The following OVCH1 variants were observed in gnomAD, a reference collection of about 807,000 sequenced individuals.
The protein encoded by OVCH1 is ovochymase-1.
Under a neutral mutation model 138.4 loss-of-function variants are expected in OVCH1, and 139 were observed. The observed-to-expected ratio is 1.00, with a 90% CI of 0.87 to 1.16. The LOEUF is 1.16. Ranked by LOEUF, OVCH1 falls within the 50% of genes most tolerant of loss-of-function variation. OVCH1 has a pLI of 0.00. For synonymous variants in OVCH1, 453 were observed against 467.8 expected, an observed-to-expected ratio of 0.97 and a Z score of 0.41; for missense variants, 1,367 against 1,357.9, an observed-to-expected ratio of 1.01 and a Z score of -0.11.
Position 29,414,007 on chromosome 12 carries a change from C to CCT in OVCH1, c.*72-1284_*72-1283dup, listed in dbSNP as rs200379417. 2.7e-4 allele frequency among the ~76,000 whole-genome samples: 28 copies of CCT among 104,318 alleles called. No homozygotes were observed. The South Asian group carries it at 8.6e-3, about 32-fold the overall frequency. 68.4% of individuals were successfully genotyped at this position (104,318 alleles called of 152,430 possible). On this transcript the variant is annotated intron_variant and NMD_transcript_variant, in intron 3 of 4. Transcript: ENST00000539117. The stretch of plus-strand genomic sequence containing the variant: ...TTTTTAACCAGCAGCTGGCTTTTCT[C>CCT]CTCTCTCTCTCTCTTTTTTTTTTTT...
At chr12:29,486,110 A>C (rs1943097670) in intron 8 of OVCH1, 140 bp downstream of exon 8, 1 of 788,416 alleles carries the variant, frequency 1.3e-6, no homozygotes, top group African/African-American at 1.8e-5. Flanking sequence ...CCTATGTATG[A>C]ATATGAGCAG....
intron 7 of OVCH1, 150 bp from the exon 8 acceptor site, chr12:29,486,498 CTA>C: frequency 1.6e-6 from 1 of 637,662 alleles, no homozygotes; most frequent in Non-Finnish European, 2.6e-6. Context: ...CAGTAACCCA[CTA>C]TGTCTTTTAA....
rs1156746058 is a variant in OVCH1 at position 29,489,715 on chromosome 12, C to T, written c.607G>A (p.Ala203Thr). The T allele has an allele frequency of 2.5e-6, 4 of 1,610,580 alleles. No individual in the cohort carries two copies. In the South Asian group the frequency reaches 3.3e-5, roughly 13 times the overall value. The change falls in exon 6 of 28, where the codon GCG (alanine) becomes ACG (threonine). Residue 203 changes from alanine to threonine, a missense_variant. Transcript: ENST00000318184. ...ATGCTCTTGAGCACAGTATTACACG[C>T]TCTGTCATCCATGATGGGAAGTTCC...
intron 11 of OVCH1, 38 bp downstream of exon 11, chr12:29,477,303 G>A (rs1415177529): frequency 1.2e-6 from 2 of 1,613,488 alleles, no homozygotes; most frequent in East Asian, 4.5e-5. Context: ...CCCACATCAA[G>A]GGAAAATGGC....
intron 26 of OVCH1, chr12:29,439,238 T>G (rs1941422658): frequency 8.2e-7 from 1 of 1,222,128 alleles, no homozygotes; most frequent in Non-Finnish European, 1.0e-6. Context: ...AAAGTCCTTT[T>G]CCTTTATTTT....
At chr12:29,495,505 A>C in intron 3 of OVCH1, 48 bp from the exon 4 acceptor site, 1 of 1,528,806 alleles carries the variant, frequency 6.5e-7, no homozygotes. Flanking sequence ...CCCCTACGCA[A>C]GTCTTCTTGG....
At chr12:29,472,967 G>A in intron 15 of OVCH1, 62 bp downstream of exon 15, 1 of 1,407,746 alleles carries the variant, frequency 7.1e-7, no homozygotes, top group East Asian at 2.4e-5. Flanking sequence ...GCTTCCAAAA[G>A]AGACATCTAG....
At chr12:29,404,368 G>T in the OVCH1 span, among the ~76,000 whole-genome samples, 1 of 152,172 alleles carries the variant, frequency 6.6e-6, no homozygotes, top group Non-Finnish European at 1.5e-5. Flanking sequence ...TCTCCCAAAT[G>T]CCTGATTCCT....
chr12:29,409,200 TTTTC>T (rs1356514293), downstream of OVCH1, among the ~76,000 whole-genome samples: 2 of 152,218 alleles, frequency 1.3e-5, no homozygotes, highest in African/African-American at 2.4e-5. Flanking sequence ...CTTCTCTCTT[TTTTC>T]TTTATTAGTC....
chr12:29,455,185 A>T (rs1941911629), intron 20 of OVCH1, 64 bp downstream of exon 20: 1 of 1,532,698 alleles, frequency 6.5e-7, no homozygotes, highest in Non-Finnish European at 8.9e-7. Context: ...TACCACACTC[A>T]CTGTTCCCAA....
chr12:29,448,397 G>A (rs1478330713), intron 22 of OVCH1, among the ~76,000 whole-genome samples: 1 of 151,786 alleles, frequency 6.6e-6, no homozygotes, highest in Non-Finnish European at 1.5e-5. Flanking sequence ...GGAGGCAGGG[G>A]CGTGATACAA....
At chr12:29,487,058 C>G in intron 7 of OVCH1, 2 of 369,916 alleles carry the variant, frequency 5.4e-6, no homozygotes, top group Non-Finnish European at 1.1e-5. Context: ...GGTGGCTGCC[C>G]TTGGACTGCC....
At chr12:29,409,338 G>C (rs1940923493), downstream of OVCH1, among the ~76,000 whole-genome samples, 1 of 151,876 alleles carries the variant, frequency 6.6e-6, no homozygotes, top group African/African-American at 2.4e-5. Flanking sequence ...GTTATTTCTT[G>C]CCTTCTGCTA....
the OVCH1 span, among the ~76,000 whole-genome samples, chr12:29,405,906 T>C: frequency 3.3e-5 from 5 of 152,202 alleles, no homozygotes; most frequent in Admixed American, 6.5e-5. Context: ...CTCTAGTCTA[T>C]TGGATATTTG....
chr12:29,423,844 G>T (rs1941139805), downstream of OVCH1, among the ~76,000 whole-genome samples: 1 of 152,154 alleles, frequency 6.6e-6, no homozygotes, highest in Non-Finnish European at 1.5e-5. Flanking sequence ...CCTCAAAGCA[G>T]CTCTATCTGG....
At chr12:29,476,796 CACACACACACAG>C (rs879384247) in intron 12 of OVCH1, among the ~76,000 whole-genome samples, 3,576 of 71,264 alleles carry the variant, frequency 0.05, 100 homozygotes, top group Middle Eastern at 0.16. Flanking sequence ...CACACACACA[CACACACACACAG>C]GTTAGTAAAT....
chr12:29,423,568 A>G (rs941497977), downstream of OVCH1, among the ~76,000 whole-genome samples: 6 of 152,170 alleles, frequency 3.9e-5, no homozygotes, highest in East Asian at 1.9e-4. Context: ...GATGGGAGGA[A>G]AAAAGGGCAT....
chr12:29,477,304 G>C lies in OVCH1; in HGVS notation c.1246+37C>G, dbSNP rs767970251. ...TCTCCTCTTCCCCACCCACATCAAG[G>C]GAAAATGGCAAGGAATTAAATACCT... On this transcript the variant is annotated intron_variant, in intron 11 of 27. Coordinates refer to ENST00000318184, the Ensembl canonical transcript of OVCH1. The C allele has an allele frequency of 4.3e-6, 7 of 1,613,520 alleles. No homozygotes were observed. In the South Asian group the frequency reaches 7.7e-5, roughly 18 times the overall value.
At chr12:29,476,980 T>G in intron 12 of OVCH1, 122 bp downstream of exon 12, 1 of 1,186,602 alleles carries the variant, frequency 8.4e-7, no homozygotes, top group East Asian at 2.7e-5. Flanking sequence ...TAAAAAAAAA[T>G]GGCAAATGGC....
Sources: allele counts gnomAD v4.1 joint callset (sites outside exome capture counted in the v4.1 genomes callset), GRCh38; gene constraint gnomAD v4.1.1; transcripts MANE v1.5; gene names NCBI Gene and HGNC (gene_info 2026-07-23, HGNC 2026-07-21).